Variants in SLC2A13 observed in about 807,000 individuals in gnomAD.
The protein encoded by SLC2A13 is proton myo-inositol cotransporter.
Under a neutral mutation model 64.4 loss-of-function variants are expected in SLC2A13, and 32 were observed. That is an observed-to-expected ratio of 0.50 (90% CI 0.37 to 0.67). The LOEUF is 0.67. Among genes scored for constraint, SLC2A13 ranks in the 30% least tolerant of loss-of-function variants. SLC2A13 has a pLI of 0.00. For missense variants in SLC2A13, 743 were observed against 829.2 expected (o/e 0.90, Z 1.28); for synonymous variants, 338 against 327.1 (o/e 1.03, Z -0.36).
chr12:39,955,139 T>C (rs1343827464), intron 3 of SLC2A13, among the ~76,000 whole-genome samples: 1 of 152,170 alleles, frequency 6.6e-6, no homozygotes, highest in Non-Finnish European at 1.5e-5. Context: ...TAGTCTCAAC[T>C]CATTTAAAAG....
chr12:39,989,727 A>C (rs1302393955), intron 3 of SLC2A13, among the ~76,000 whole-genome samples: 1 of 152,200 alleles, frequency 6.6e-6, no homozygotes, highest in African/African-American at 2.4e-5. Context: ...AGTCTTGCAT[A>C]AGAATACACT....
chr12:39,857,551 C>T (rs1474852324), intron 6 of SLC2A13, among the ~76,000 whole-genome samples: 1 of 152,186 alleles, frequency 6.6e-6, no homozygotes, highest in Non-Finnish European at 1.5e-5. Context: ...GTTCTTTTAA[C>T]CTTTCTCCCT....
chr12:40,105,364 C>T lies in SLC2A13; in HGVS notation c.445G>A (p.Ala149Thr), dbSNP rs369644372. The stretch of plus-strand genomic sequence containing the variant: ...AGGGCACTGGCCAGGAGGATGGCAG[C>T]GCGGCGGCCGAAGACGCCGTTGAGG... Reference protein sequence around the residue: ...GALNGVFGRRAAILLASALFT... With the variant: ...GALNGVFGRRTAILLASALFT... Residue 149 changes from alanine to threonine, a missense_variant, in exon 1 of 10, where the codon GCT becomes ACT. This residue lies in a region of SLC2A13 where 448 missense variants were observed against 447.4 expected (regional missense o/e 1.00). Transcript: ENST00000280871. The surrounding 1 kb of genome is among the most constrained non-coding windows in gnomAD (Gnocchi z 4.2). 6.0e-5 allele frequency: 94 copies of T among 1,578,612 alleles called. No homozygotes were observed. The African/African-American group carries it at 1.2e-3, about 21-fold the overall frequency.
intron 5 of SLC2A13, among the ~76,000 whole-genome samples, chr12:39,867,791 G>A (rs139676395): frequency 1.3e-3 from 192 of 152,228 alleles, no homozygotes; most frequent in African/African-American, 4.4e-3. Context: ...GGAAGCAAAT[G>A]CCTGGATGTA....
intron 4 of SLC2A13, among the ~76,000 whole-genome samples, chr12:39,896,694 G>T (rs1203002593): frequency 2.0e-5 from 3 of 151,744 alleles, no homozygotes; most frequent in African/African-American, 7.3e-5. Context: ...CTCGTTATCT[G>T]CAATTTAAGA....
intron 4 of SLC2A13, among the ~76,000 whole-genome samples, chr12:39,899,311 T>C (rs968731644): frequency 1.3e-5 from 2 of 152,220 alleles, no homozygotes; most frequent in Non-Finnish European, 2.9e-5. Flanking sequence ...TGTATTTCTG[T>C]GGGATTGGTG....
At chr12:39,997,454 A>G (rs1399872367) in intron 3 of SLC2A13, among the ~76,000 whole-genome samples, 4 of 152,222 alleles carry the variant, frequency 2.6e-5, no homozygotes, top group African/African-American at 9.6e-5. Context: ...CAACACACAT[A>G]TGAAAAAAAT....
chr12:39,794,434 C>T (rs1194750212), intron 7 of SLC2A13, among the ~76,000 whole-genome samples: 1 of 152,120 alleles, frequency 6.6e-6, no homozygotes. Flanking sequence ...TAAATTCTGC[C>T]TAAAGGTTTC....
chr12:40,069,888 T>G (rs1937886689), intron 1 of SLC2A13, among the ~76,000 whole-genome samples: 1 of 152,142 alleles, frequency 6.6e-6, no homozygotes, highest in Admixed American at 6.6e-5. Flanking sequence ...TGCTCATTAT[T>G]TCTTATATAC....
At chr12:39,931,535 G>C (rs537828263) in intron 4 of SLC2A13, among the ~76,000 whole-genome samples, 16 of 152,224 alleles carry the variant, frequency 1.1e-4, no homozygotes, top group Admixed American at 2.6e-4. Flanking sequence ...TGCTGGGGTC[G>C]GGAGAAAATA....
At chr12:39,988,440 A>C (rs1947066764) in intron 3 of SLC2A13, among the ~76,000 whole-genome samples, 1 of 151,852 alleles carries the variant, frequency 6.6e-6, no homozygotes, top group Non-Finnish European at 1.5e-5. Context: ...TGTGTGAGTT[A>C]TCTTTCATGA....
intron 3 of SLC2A13, among the ~76,000 whole-genome samples, chr12:39,999,664 A>G (rs1308453647): frequency 6.6e-6 from 1 of 152,154 alleles, no homozygotes; most frequent in Non-Finnish European, 1.5e-5. Context: ...ATTATCAGTA[A>G]TTCTGCTTTT....
intron 3 of SLC2A13, among the ~76,000 whole-genome samples, chr12:39,965,302 T>G (rs1946490083): frequency 6.6e-6 from 1 of 152,196 alleles, no homozygotes; most frequent in Non-Finnish European, 1.5e-5. Context: ...GACATTATTA[T>G]GCTGGAACAT....
At chr12:39,830,273 G>GT in intron 6 of SLC2A13, 45 bp from the exon 7 acceptor site, 3 of 1,596,150 alleles carry the variant, frequency 1.9e-6, no homozygotes, top group Non-Finnish European at 2.6e-6. Flanking sequence ...GAGACAACTG[G>GT]TGCTCACCAT....
intron 3 of SLC2A13, among the ~76,000 whole-genome samples, chr12:40,020,725 C>A (rs1947700642): frequency 6.6e-6 from 1 of 152,034 alleles, no homozygotes; most frequent in African/African-American, 2.4e-5. Context: ...TGGTAACCTT[C>A]TACAAAGATC....
chr12:39,898,083 T>C (rs899999588), intron 4 of SLC2A13, among the ~76,000 whole-genome samples: 1 of 152,118 alleles, frequency 6.6e-6, no homozygotes, highest in Non-Finnish European at 1.5e-5. Flanking sequence ...AAACAATCCG[T>C]TGTTGGGAAT....
At chr12:40,004,798 T>G (rs948224542) in intron 3 of SLC2A13, among the ~76,000 whole-genome samples, 2 of 152,202 alleles carry the variant, frequency 1.3e-5, no homozygotes, top group Non-Finnish European at 2.9e-5. Context: ...TTAAGTCATA[T>G]GTACTATATA....
At chr12:40,005,764 T>C (rs901779391) in intron 3 of SLC2A13, among the ~76,000 whole-genome samples, 2 of 152,206 alleles carry the variant, frequency 1.3e-5, no homozygotes, top group Non-Finnish European at 2.9e-5. Flanking sequence ...CAAAAGGCTA[T>C]ACGATTTTAT....
At chr12:39,791,152 T>C (rs1941389543) in intron 7 of SLC2A13, among the ~76,000 whole-genome samples, 1 of 151,958 alleles carries the variant, frequency 6.6e-6, no homozygotes, top group South Asian at 2.1e-4. Context: ...TGCAAAAATT[T>C]TCTCCCATCA....
Sources: allele counts gnomAD v4.1 joint callset (sites outside exome capture counted in the v4.1 genomes callset), GRCh38; gene constraint gnomAD v4.1.1; regional missense constraint gnomAD v4.1.1; non-coding constraint Gnocchi (gnomAD v3.1); transcripts MANE v1.5; gene names NCBI Gene and HGNC (gene_info 2026-07-23, HGNC 2026-07-21).